Variants in C1QTNF7 observed in about 807,000 individuals in gnomAD.
C1QTNF7 encodes C1q and TNF related 7, also known as complement C1q tumor necrosis factor-related protein 7.
In C1QTNF7, 15 loss-of-function variants were observed where a neutral mutation model predicts 19.6. That is an observed-to-expected ratio of 0.76 (90% CI 0.51 to 1.18). C1QTNF7 has a LOEUF of 1.18. Ranked by LOEUF, C1QTNF7 falls within the 50% of genes most tolerant of loss-of-function variation. C1QTNF7 has a pLI of 0.00. For missense variants in C1QTNF7, 324 were observed against 359.7 expected, an observed-to-expected ratio of 0.90 and a Z score of 0.80; for synonymous variants, 142 against 137.5, an observed-to-expected ratio of 1.03 and a Z score of -0.23.
At chr4:15,374,824 G>A in intron 1 of C1QTNF7, 2 of 921,904 alleles carry the variant, frequency 2.2e-6, no homozygotes, top group African/African-American at 3.6e-5. Flanking sequence ...TTTTTCCTTA[G>A]AAAGGCGTCT....
intron 1 of C1QTNF7, among the ~76,000 whole-genome samples, chr4:15,387,426 A>T (rs2108896128): frequency 6.6e-6 from 1 of 152,344 alleles, no homozygotes; most frequent in African/African-American, 2.4e-5. Flanking sequence ...GGAGAAGTAA[A>T]GGTATTCCAA....
chr4:15,377,599 C>A (rs1323900539), intron 1 of C1QTNF7, among the ~76,000 whole-genome samples: 1 of 152,080 alleles, frequency 6.6e-6, no homozygotes, highest in East Asian at 1.9e-4. Context: ...AACTATAGTG[C>A]CCAGACAGAT....
At chr4:15,377,247 C>T (rs928601010) in intron 1 of C1QTNF7, among the ~76,000 whole-genome samples, 3 of 152,204 alleles carry the variant, frequency 2.0e-5, no homozygotes, top group African/African-American at 4.8e-5. Flanking sequence ...TTTTCCCCAA[C>T]TCAAATTTGT....
intron 1 of C1QTNF7, among the ~76,000 whole-genome samples, chr4:15,380,332 T>C (rs1309686115): frequency 3.9e-5 from 6 of 152,198 alleles, no homozygotes; most frequent in Non-Finnish European, 4.4e-5. Flanking sequence ...AAGAATGCTG[T>C]AGCTATCCAA....
At chr4:15,371,565 A>T (rs1174280975) in intron 1 of C1QTNF7, among the ~76,000 whole-genome samples, 2 of 152,176 alleles carry the variant, frequency 1.3e-5, no homozygotes, top group Non-Finnish European at 2.9e-5. Flanking sequence ...AGAAATATAT[A>T]CCTATTGCTA....
intron 1 of C1QTNF7, among the ~76,000 whole-genome samples, chr4:15,434,815 G>A (rs1712464148): frequency 6.6e-6 from 1 of 152,080 alleles, no homozygotes; most frequent in Admixed American, 6.6e-5. Flanking sequence ...CACCATGCGT[G>A]GCTTAATTTC....
chr4:15,437,222 A>G (rs1712573431), intron 2 of C1QTNF7, among the ~76,000 whole-genome samples: 1 of 152,082 alleles, frequency 6.6e-6, no homozygotes, highest in South Asian at 2.1e-4. Flanking sequence ...TAGTGGCTAT[A>G]CAAACAAACA....
chr4:15,399,645 T>C (rs567798851), intron 1 of C1QTNF7, among the ~76,000 whole-genome samples: 3 of 152,368 alleles, frequency 2.0e-5, no homozygotes, highest in African/African-American at 4.8e-5. Flanking sequence ...TCCTGTGATA[T>C]GTAGCTAATT....
At chr4:15,366,227 A>T (rs1717517794) in intron 1 of C1QTNF7, among the ~76,000 whole-genome samples, 1 of 152,148 alleles carries the variant, frequency 6.6e-6, no homozygotes, top group Non-Finnish European at 1.5e-5. Context: ...TGCCATGGAG[A>T]ACTCCTCAGT....
At chr4:15,392,388 T>G (rs1310092632) in intron 1 of C1QTNF7, among the ~76,000 whole-genome samples, 1 of 152,204 alleles carries the variant, frequency 6.6e-6, no homozygotes, top group East Asian at 1.9e-4. Flanking sequence ...ACACACACAA[T>G]GGAGTGTTAA....
chr4:15,372,746 C>T (rs781754075), intron 1 of C1QTNF7, among the ~76,000 whole-genome samples: 5 of 152,088 alleles, frequency 3.3e-5, no homozygotes, highest in Non-Finnish European at 5.9e-5. Context: ...GTCAAGATAC[C>T]GTGGATGCCT....
At chr4:15,420,824 G>GTATTT (rs1487430797) in intron 1 of C1QTNF7, among the ~76,000 whole-genome samples, 2 of 51,294 alleles carry the variant, frequency 3.9e-5, no homozygotes, top group South Asian at 1.4e-3. Context: ...CCACTGCTTT[G>GTATTT]TCTTTTTTTT....
chr4:15,438,060 T>A (rs1171942350), intron 2 of C1QTNF7, among the ~76,000 whole-genome samples: 1 of 152,168 alleles, frequency 6.6e-6, no homozygotes, highest in East Asian at 1.9e-4. Flanking sequence ...TAATAACCAC[T>A]TACTAAGAAC....
At chr4:15,413,970 G>A (rs1272916654) in intron 1 of C1QTNF7, among the ~76,000 whole-genome samples, 1 of 152,194 alleles carries the variant, frequency 6.6e-6, no homozygotes, top group Non-Finnish European at 1.5e-5. Context: ...TCATCACAAT[G>A]TGTATTTAAT....
chr4:15,412,473 C>G (rs1335563245), intron 1 of C1QTNF7, among the ~76,000 whole-genome samples: 13 of 152,104 alleles, frequency 8.5e-5, no homozygotes, highest in Admixed American at 8.5e-4. Context: ...CATCTTCTCT[C>G]ATTGTTTCCC....
intron 1 of C1QTNF7, chr4:15,374,509 C>G: frequency 1.1e-6 from 1 of 950,894 alleles, no homozygotes; most frequent in Non-Finnish European, 1.3e-6. Context: ...TTCTTTCGGG[C>G]TCGATCAAAC....
At chr4:15,426,075 T>A (rs185929797), upstream of C1QTNF7, among the ~76,000 whole-genome samples, 1 of 152,236 alleles carries the variant, frequency 6.6e-6, no homozygotes, top group Admixed American at 6.5e-5. Context: ...AACTGTTAGG[T>A]GCTCTGGGAA....
chr4:15,371,288 G>A (rs974595337), intron 1 of C1QTNF7, among the ~76,000 whole-genome samples: 9 of 152,234 alleles, frequency 5.9e-5, no homozygotes, highest in African/African-American at 1.4e-4. Flanking sequence ...GAATGCATTT[G>A]GTGGTACACA....
At chr4:15,404,146 A>G (rs996221613) in intron 1 of C1QTNF7, among the ~76,000 whole-genome samples, 1 of 152,184 alleles carries the variant, frequency 6.6e-6, no homozygotes, top group African/African-American at 2.4e-5. Flanking sequence ...TTTGTTATAT[A>G]ACAAGCTGGC....
Sources: allele counts gnomAD v4.1 joint callset (sites outside exome capture counted in the v4.1 genomes callset), GRCh38; gene constraint gnomAD v4.1.1; transcripts MANE v1.5; gene names NCBI Gene and HGNC (gene_info 2026-07-23, HGNC 2026-07-21).